BCL11B: variants seen among roughly 807,000 people sequenced by gnomAD.
BCL11B encodes BCL11 transcription factor B, also known as B-cell lymphoma/leukemia 11B.
Under a neutral mutation model 49.9 loss-of-function variants are expected in BCL11B, and 8 were observed. The ratio of observed to expected loss-of-function variants is 0.16; its 90% CI spans 0.09 to 0.29. The LOEUF is 0.29. Ranked by LOEUF, BCL11B falls within the 10% of genes least tolerant of loss-of-function variation. The probability of loss-of-function intolerance (pLI) is 1.00; values close to 1 mark genes in which losing one functional copy is unlikely to be tolerated. For synonymous variants in BCL11B, 739 were observed against 637.4 expected, an observed-to-expected ratio of 1.16 and a Z score of -2.40; for missense variants, 1,006 against 1,351.0, an observed-to-expected ratio of 0.74 and a Z score of 4.00.
chr14:99,223,437 A>C (rs1248326764), intron 3 of BCL11B, among the ~76,000 whole-genome samples: 1 of 152,196 alleles, frequency 6.6e-6, no homozygotes, highest in South Asian at 2.1e-4. Flanking sequence ...TTAGACACAC[A>C]TTTGATCTCA....
At chr14:99,187,532 T>C (rs866347015) in intron 3 of BCL11B, among the ~76,000 whole-genome samples, 1 of 152,066 alleles carries the variant, frequency 6.6e-6, no homozygotes, top group Non-Finnish European at 1.5e-5. Context: ...CCGCCCAACA[T>C]GAGAGTTTTC....
chr14:99,261,878 TAC>T (rs35001476), intron 1 of BCL11B, among the ~76,000 whole-genome samples: 3 of 151,312 alleles, frequency 2.0e-5, no homozygotes, highest in Non-Finnish European at 3.0e-5. Context: ...AATCTGTATT[TAC>T]ACACACACAC....
chr14:99,199,673 T>TGCGC (rs774405509), intron 3 of BCL11B, among the ~76,000 whole-genome samples: 43 of 84,432 alleles, frequency 5.1e-4, no homozygotes, highest in African/African-American at 1.1e-3. Context: ...TGTGTGTGTG[T>TGCGC]GTGTGTGTGT....
Position 99,257,231 on chromosome 14 carries a change from C to CAGGA in BCL11B, c.427+239_427+240insTCCT, listed in dbSNP as rs1889190304. ...ACCACCTCTGGATTAGCCCCCGAGA[C>CAGGA]AGAGTCCCCTCACCAAAAGCAAGCA... On this transcript the variant is annotated intron_variant, in intron 2 of 3. Coordinates refer to ENST00000357195, the MANE Select transcript of BCL11B (RefSeq NM_138576.4). The surrounding 1 kb of genome is among the most constrained non-coding windows in gnomAD (Gnocchi z 6.2). 6.6e-6 allele frequency among the ~76,000 whole-genome samples: 1 copy of CAGGA among 152,174 alleles called. No homozygotes were observed. The highest frequency in any genetic ancestry group is 2.1e-4 in the South Asian group (1 of 4,810).
chr14:99,226,109 T>A (rs1229345270), intron 3 of BCL11B, among the ~76,000 whole-genome samples: 1 of 152,144 alleles, frequency 6.6e-6, no homozygotes, highest in East Asian at 1.9e-4. Flanking sequence ...TTGCAGATGC[T>A]GGGACCACCG....
chr14:99,198,850 G>C (rs566883393), intron 3 of BCL11B, among the ~76,000 whole-genome samples: 2 of 152,008 alleles, frequency 1.3e-5, no homozygotes, highest in African/African-American at 2.4e-5. Context: ...AAAACTCTTC[G>C]GCGAATGGGG....
At chr14:99,268,313 C>T (rs146919807) in intron 1 of BCL11B, among the ~76,000 whole-genome samples, 5 of 151,922 alleles carry the variant, frequency 3.3e-5, no homozygotes, top group African/African-American at 1.2e-4. Flanking sequence ...AAAGACCATG[C>T]GTGCTATTTG....
At chr14:99,270,868 A>G (rs146154551) in intron 1 of BCL11B, among the ~76,000 whole-genome samples, 20,101 of 147,044 alleles carry the variant, frequency 0.14, 1,450 homozygotes, top group Middle Eastern at 0.21. Context: ...CTCGGCGCGC[A>G]CACACACACA....
At chr14:99,243,964 G>C (rs181263282) in intron 2 of BCL11B, among the ~76,000 whole-genome samples, 3 of 141,352 alleles carry the variant, frequency 2.1e-5, no homozygotes, top group African/African-American at 5.2e-5. Context: ...CAAGGAAAGT[G>C]CCCTACAGAC....
At chr14:99,267,089 G>A (rs1337630755) in intron 1 of BCL11B, among the ~76,000 whole-genome samples, 1 of 152,044 alleles carries the variant, frequency 6.6e-6, no homozygotes, top group Non-Finnish European at 1.5e-5. Context: ...CCTCCACACT[G>A]GTCACTGACA....
chr14:99,188,825 G>A (rs1256463883), intron 3 of BCL11B, among the ~76,000 whole-genome samples: 2 of 152,254 alleles, frequency 1.3e-5, no homozygotes, highest in Non-Finnish European at 1.5e-5. Context: ...CGCGGCTGGA[G>A]CCCAGGTGCC....
Position 99,175,168 on chromosome 14 carries a change from G to A in BCL11B, c.1668C>T (p.Phe556=). 6.3e-7 allele frequency: 1 copy of A among 1,588,220 alleles called. No individual in the cohort carries two copies. Among genetic ancestry groups the A allele is most frequent in the South Asian group, 1.1e-5 (1 of 89,228 alleles). The stretch of plus-strand genomic sequence containing the variant: ...TGCGGCTCAGCTCCGAGTCCATGCT[G>A]AAGCTCGACTCGGGCCGGCTCTCGT... The part of the protein sequence containing the change: ...LENESRPESS[F]SMDSELSRNR... Residue 556 remains phenylalanine (F), a synonymous_variant, in exon 4 of 4, where the codon TTC becomes TTT. Transcript: ENST00000357195.
chr14:99,255,405 G>A (rs963357517), intron 2 of BCL11B, among the ~76,000 whole-genome samples: 5 of 65,180 alleles, frequency 7.7e-5, no homozygotes, highest in East Asian at 5.2e-4. Context: ...TCACAACCTG[G>A]AAAAAAAAAA....
In BCL11B at chr14:99,241,688, C is replaced by T. The variant is rs1888676551; in HGVS notation, c.428-10131G>A. ...AGGGGGGACGATGTCGCTTTTTTCC[C>T]CCTTCCCTAAGTGCATTTTAATACC... On this transcript the variant is annotated intron_variant, in intron 2 of 3. Transcript: ENST00000357195. This position sits in a 1 kb window ranked among gnomAD's most constrained non-coding sequence, Gnocchi z 4.4. Among the ~76,000 whole-genome samples, 1 of 151,880 alleles carries T rather than the reference C, an allele frequency of 6.6e-6. No homozygotes were observed. Among genetic ancestry groups the T allele is most frequent in the African/African-American group, 2.4e-5 (1 of 41,332 alleles).
rs537810518 is a variant in BCL11B at position 99,271,314 on chromosome 14, TGCCGCC to T, written c.-102_-97del. The T allele has an allele frequency of 2.3e-4, 194 of 849,102 alleles. 5 individuals are homozygous for T. Among genetic ancestry groups the T allele is most frequent in the African/African-American group, 1.2e-3 (66 of 57,162 alleles). 52.6% of individuals were successfully genotyped at this position (849,102 alleles called of 1,614,324 possible). A position where few individuals can be genotyped will look rare whatever the true frequency, so the allele number is the denominator to read the frequency against. On this transcript the variant is annotated 5_prime_UTR_variant, in exon 1 of 4. Transcript: ENST00000357195. ...GCCGCCGCCGCGCCGCTGCCGCCGC[TGCCGCC>T]GCCGCCGCCGCCGCCGCACCTCCTC...
chr14:99,260,750 T>C (rs1177864568), intron 1 of BCL11B, among the ~76,000 whole-genome samples: 1 of 152,034 alleles, frequency 6.6e-6, no homozygotes, highest in Non-Finnish European at 1.5e-5. Flanking sequence ...CGAGCCCCCG[T>C]AATTGAGTTT....
chr14:99,259,663 G>C (rs2614462), intron 1 of BCL11B, among the ~76,000 whole-genome samples: 73,424 of 151,992 alleles, frequency 0.48, 18,705 homozygotes, highest in East Asian at 0.85. Flanking sequence ...ATCTCTCTAA[G>C]AAAAAGAACC....
At chr14:99,200,762 G>A (rs1197176710) in intron 3 of BCL11B, among the ~76,000 whole-genome samples, 1 of 152,204 alleles carries the variant, frequency 6.6e-6, no homozygotes. Flanking sequence ...AATGAGAGCC[G>A]GCAAGTCCTG....
chr14:99,222,009 G>A (rs557613569), intron 3 of BCL11B, among the ~76,000 whole-genome samples: 5 of 152,342 alleles, frequency 3.3e-5, no homozygotes, highest in East Asian at 1.9e-4. Context: ...CCTGCCCACC[G>A]AGGGTTCCGT....
Sources: gnomAD v4.1 joint callset for allele counts (sites outside exome capture counted in the v4.1 genomes callset) on GRCh38, gnomAD v4.1.1 for gene constraint, Gnocchi (gnomAD v3.1) non-coding constraint, MANE v1.5 for transcripts, NCBI Gene and HGNC (gene_info 2026-07-23, HGNC 2026-07-21) for gene names.